The following PTPRT variants were observed in gnomAD, a reference collection of about 807,000 sequenced individuals.
The protein encoded by PTPRT is receptor-type tyrosine-protein phosphatase T.
In PTPRT, 56 loss-of-function variants were observed where a neutral mutation model predicts 176.8. That is an observed-to-expected ratio of 0.32 (90% CI 0.26 to 0.40). The LOEUF is 0.40. Among genes scored for constraint, PTPRT ranks in the 10% least tolerant of loss-of-function variants. The pLI, the probability that PTPRT is intolerant of heterozygous loss-of-function variation, is 1.00. For missense variants in PTPRT, 1,540 were observed against 1,908.2 expected (o/e 0.81, Z 3.60); for synonymous variants, 783 against 739.0 (o/e 1.06, Z -0.96).
intron 11 of PTPRT, among the ~76,000 whole-genome samples, chr20:42,341,787 T>C (rs751613045): frequency 3.3e-5 from 5 of 152,204 alleles, no homozygotes; most frequent in Non-Finnish European, 5.9e-5. Context: ...CTCATGCCAG[T>C]AACAGTCCCT....
At chr20:42,798,170 T>C (rs1007954265) in intron 2 of PTPRT, among the ~76,000 whole-genome samples, 1 of 152,234 alleles carries the variant, frequency 6.6e-6, no homozygotes, top group Non-Finnish European at 1.5e-5. Flanking sequence ...ATTAAACTAC[T>C]TAAATATCAC....
chr20:42,692,018 C>G (rs1390855454), intron 6 of PTPRT, among the ~76,000 whole-genome samples: 1 of 152,136 alleles, frequency 6.6e-6, no homozygotes, highest in African/African-American at 2.4e-5. Flanking sequence ...ATGACATATA[C>G]AGTGATTTCC....
intron 7 of PTPRT, among the ~76,000 whole-genome samples, chr20:42,580,085 G>T (rs577462094): frequency 1.2e-4 from 19 of 152,272 alleles, no homozygotes; most frequent in African/African-American, 4.1e-4. Context: ...TTTCTATTAG[G>T]TGTAAGGAAG....
In PTPRT at chr20:42,486,204, T is replaced by C. The variant is rs2049970; in HGVS notation, c.1154-13642A>G. ...TTGGCCATGACATTGTGAGACACAA[T>C]CCTAGCACAGGCTTTTACATAAGCC... On this transcript the variant is annotated intron_variant, in intron 7 of 30. Transcript: ENST00000373187. Among the ~76,000 whole-genome samples the C allele has an allele frequency of 3.4e-3, 515 of 152,316 alleles. 2 individuals carry two copies. The highest frequency in any genetic ancestry group is 0.012 in the African/African-American group (500 of 41,570).
intron 7 of PTPRT, among the ~76,000 whole-genome samples, chr20:42,582,934 G>A (rs2073402139): frequency 6.6e-6 from 1 of 152,010 alleles, no homozygotes; most frequent in Non-Finnish European, 1.5e-5. Flanking sequence ...GCTTGTCCTC[G>A]GTCAGGCCAG....
chr20:42,429,797 G>A (rs1192283579), intron 9 of PTPRT, among the ~76,000 whole-genome samples: 1 of 152,188 alleles, frequency 6.6e-6, no homozygotes, highest in Admixed American at 6.5e-5. Context: ...AGGTGCCGAG[G>A]GTCAAAATAT....
intron 7 of PTPRT, among the ~76,000 whole-genome samples, chr20:42,516,911 A>G (rs1441043493): frequency 6.6e-6 from 1 of 152,140 alleles, no homozygotes; most frequent in East Asian, 1.9e-4. Context: ...TTTTCTTTGC[A>G]TAAACCTGGC....
chr20:42,613,183 A>C (rs1298419362), intron 7 of PTPRT, among the ~76,000 whole-genome samples: 1 of 152,254 alleles, frequency 6.6e-6, no homozygotes, highest in Non-Finnish European at 1.5e-5. Context: ...CCAGTTGTAC[A>C]GTAAACATAA....
chr20:42,582,941 C>G (rs963226118), intron 7 of PTPRT, among the ~76,000 whole-genome samples: 11 of 152,212 alleles, frequency 7.2e-5, no homozygotes, highest in Middle Eastern at 3.4e-3. Context: ...CTCGGTCAGG[C>G]CAGGAAAGAG....
At chr20:42,386,237 C>G (rs1231387206) in intron 9 of PTPRT, among the ~76,000 whole-genome samples, 1 of 151,994 alleles carries the variant, frequency 6.6e-6, no homozygotes, top group East Asian at 1.9e-4. Context: ...CATTTTAGAG[C>G]CTGAATTTTA....
chr20:42,894,306 T>A (rs996086988), intron 1 of PTPRT, among the ~76,000 whole-genome samples: 4 of 152,084 alleles, frequency 2.6e-5, no homozygotes, highest in Admixed American at 2.6e-4. Flanking sequence ...AAGGACCAAG[T>A]AATCACAATG....
chr20:42,927,985 C>T (rs967954199), intron 1 of PTPRT, among the ~76,000 whole-genome samples: 1 of 152,224 alleles, frequency 6.6e-6, no homozygotes, highest in Admixed American at 6.5e-5. Flanking sequence ...CTCCAAGTCA[C>T]ATGCTATTGG....
intron 6 of PTPRT, among the ~76,000 whole-genome samples, chr20:42,737,843 G>T (rs1480899790): frequency 6.6e-6 from 1 of 152,154 alleles, no homozygotes; most frequent in Non-Finnish European, 1.5e-5. Context: ...ATTAAATTTG[G>T]ATGGGTCAAC....
intron 7 of PTPRT, among the ~76,000 whole-genome samples, chr20:42,669,765 C>G (rs930573062): frequency 6.6e-6 from 1 of 152,046 alleles, no homozygotes; most frequent in African/African-American, 2.4e-5. Flanking sequence ...GCCTGTGGGA[C>G]CCACAGGCTT....
At chr20:42,412,386 T>C (rs368849834) in intron 9 of PTPRT, among the ~76,000 whole-genome samples, 1 of 152,138 alleles carries the variant, frequency 6.6e-6, no homozygotes, top group African/African-American at 2.4e-5. Flanking sequence ...CACCTACTCA[T>C]GTGGCCAAAG....
chr20:42,036,406 T>C, the PTPRT span, among the ~76,000 whole-genome samples: 1 of 152,182 alleles, frequency 6.6e-6, no homozygotes, highest in Non-Finnish European at 1.5e-5. Context: ...ACCATGAGGT[T>C]ACTATTTTCA....
At chr20:42,939,348 C>T (rs1980400072) in intron 1 of PTPRT, among the ~76,000 whole-genome samples, 1 of 152,184 alleles carries the variant, frequency 6.6e-6, no homozygotes, top group Non-Finnish European at 1.5e-5. Flanking sequence ...TCATCACTCC[C>T]GCCATCTCAG....
chr20:42,351,256 C>T (rs1409246336), intron 10 of PTPRT, among the ~76,000 whole-genome samples: 1 of 151,942 alleles, frequency 6.6e-6, no homozygotes, highest in Admixed American at 6.6e-5. Flanking sequence ...TCAGTTTTTC[C>T]AAATTCTGAA....
At chr20:43,071,621 A>C (rs2011181777) in intron 1 of PTPRT, among the ~76,000 whole-genome samples, 1 of 152,156 alleles carries the variant, frequency 6.6e-6, no homozygotes, top group South Asian at 2.1e-4. Context: ...CCCCGTCTCT[A>C]CTAAAAATAC....
Sources: gnomAD v4.1 joint callset for allele counts (sites outside exome capture counted in the v4.1 genomes callset) on GRCh38, gnomAD v4.1.1 for gene constraint, MANE v1.5 for transcripts, NCBI Gene and HGNC (gene_info 2026-07-23, HGNC 2026-07-21) for gene names.